The following KNL1 variants were observed in gnomAD, a reference collection of about 807,000 sequenced individuals.
The protein encoded by KNL1 is outer kinetochore KNL1 complex subunit KNL1.
In KNL1, 66 loss-of-function variants were observed where a neutral mutation model predicts 201.3. The ratio of observed to expected loss-of-function variants is 0.33; its 90% CI spans 0.27 to 0.40. The LOEUF (loss-of-function observed/expected upper bound fraction) is 0.40. Among genes scored for constraint, KNL1 ranks in the 10% least tolerant of loss-of-function variants. The pLI is 1.00. For synonymous variants in KNL1, 895 were observed against 899.2 expected, an observed-to-expected ratio of 1.00 and a Z score of 0.08; for missense variants, 2,815 against 2,690.5, an observed-to-expected ratio of 1.05 and a Z score of -1.02.
chr15:40,594,663 C>G (rs552643852), intron 1 of KNL1, among the ~76,000 whole-genome samples: 1 of 152,322 alleles, frequency 6.6e-6, no homozygotes, highest in Admixed American at 6.5e-5. Context: ...GTTGCTTGTC[C>G]GTCGCTCTCT....
At chr15:40,619,157 A>G in intron 9 of KNL1, 146 bp downstream of exon 9, 1 of 635,814 alleles carries the variant, frequency 1.6e-6, no homozygotes, top group Non-Finnish European at 2.8e-6. Context: ...CTTTCCAGTT[A>G]ACTTAAGGAT....
chr15:40,603,056 T>C (rs1891859889), intron 2 of KNL1, 90 bp downstream of exon 2: 4 of 818,408 alleles, frequency 4.9e-6, no homozygotes, highest in Non-Finnish European at 7.8e-6. Flanking sequence ...ACTTCTGAGA[T>C]CTTTTTCCAT....
intron 14 of KNL1, 23 bp downstream of exon 14, chr15:40,641,050 G>A: frequency 6.6e-7 from 1 of 1,508,044 alleles, no homozygotes; most frequent in Non-Finnish European, 9.2e-7. Context: ...TAATTTTTAT[G>A]TGTGTTTTTT....
chr15:40,623,974 C>G lies in KNL1; in HGVS notation c.3710C>G (p.Thr1237Ser). The change falls in exon 10 of 26, where the codon ACT becomes AGT. Residue 1237 changes from threonine (T) to serine (S), a missense_variant. This residue lies in a region of KNL1 where 2,464 missense variants were observed against 2,291.7 expected (regional missense o/e 1.08). Transcript: ENST00000399668. Reference protein sequence around the residue: ...TEQKQQLFAATNRTTNEIIKF... With the variant: ...TEQKQQLFAASNRTTNEIIKF... ...CAAAAGCAACAACTCTTTGCTGCTA[C>G]TAATAGAACTACTAATGAAATCATC... The G allele has an allele frequency of 6.2e-7, 1 of 1,613,666 alleles. No individual in the cohort carries two copies. The highest frequency in any genetic ancestry group is 8.5e-7 in the Non-Finnish European group (1 of 1,179,882).
Position 40,610,785 on chromosome 15 carries a change from CTGT to C in KNL1, c.250+493_250+495del, listed in dbSNP as rs1259624326. On this transcript the variant is annotated intron_variant, in intron 6 of 25. Transcript: ENST00000399668. Reference sequence around the variant, plus strand: ...TTATTTATTTTGAGACGGATTTTCACTGTTGTTCCCCAGGCTGCAGTGCAATGG... The same window carrying C: ...TTATTTATTTTGAGACGGATTTTCACTGTTCCCCAGGCTGCAGTGCAATGG... 2.0e-5 allele frequency: 9 copies of C among 455,492 alleles called. No homozygotes were observed. The highest frequency in any genetic ancestry group is 4.0e-5 in the Non-Finnish European group (9 of 226,788). The allele number at this position is 455,492 out of a possible 1,614,324, so 28.2% of individuals were successfully genotyped here. A position where few individuals can be genotyped will look rare whatever the true frequency, so the allele number is the denominator to read the frequency against.
At chr15:40,658,878 C>T (rs1345351854) in intron 24 of KNL1, among the ~76,000 whole-genome samples, 8 of 149,090 alleles carry the variant, frequency 5.4e-5, no homozygotes, top group Non-Finnish European at 1.0e-4. Flanking sequence ...TGCAGTGAGC[C>T]GAGATTACTC....
intron 2 of KNL1, among the ~76,000 whole-genome samples, chr15:40,603,196 C>G (rs74692119): frequency 6.6e-6 from 1 of 152,242 alleles, no homozygotes; most frequent in Admixed American, 6.5e-5. Context: ...CCCATCAACT[C>G]ATTTACATTA....
At chr15:40,636,273 G>A (rs1456145193) in intron 13 of KNL1, among the ~76,000 whole-genome samples, 2 of 152,190 alleles carry the variant, frequency 1.3e-5, no homozygotes, top group Non-Finnish European at 2.9e-5. Flanking sequence ...AATTCAAGGT[G>A]CAGCAATTAA....
intron 1 of KNL1, among the ~76,000 whole-genome samples, chr15:40,601,627 C>G (rs1446391610): frequency 6.6e-6 from 1 of 151,670 alleles, no homozygotes; most frequent in Non-Finnish European, 1.5e-5. Flanking sequence ...GTCAGGAGAT[C>G]GAGACCACGG....
chr15:40,658,655 G>A (rs979519923), intron 24 of KNL1, among the ~76,000 whole-genome samples: 4 of 150,342 alleles, frequency 2.7e-5, no homozygotes, highest in African/African-American at 7.3e-5. Context: ...GGGCTGGGAC[G>A]GTGGCTCACA....
chr15:40,615,982 G>A (rs1396776499), intron 8 of KNL1: 1 of 5,786 alleles, frequency 1.7e-4, no homozygotes, highest in Admixed American at 3.2e-3. Flanking sequence ...GGTCAGGCTG[G>A]TCTCGAACTG....
intron 11 of KNL1, 30 bp from the exon 12 acceptor site, chr15:40,628,581 G>A: frequency 1.4e-6 from 2 of 1,469,162 alleles, no homozygotes; most frequent in Non-Finnish European, 1.9e-6. Context: ...GTTTTGACTT[G>A]TTCGTCACCA....
At chr15:40,640,709 G>T (rs1419929221) in intron 13 of KNL1, among the ~76,000 whole-genome samples, 1 of 152,188 alleles carries the variant, frequency 6.6e-6, no homozygotes, top group African/African-American at 2.4e-5. Flanking sequence ...CACAGTTCCA[G>T]TAAAATCTAT....
intron 22 of KNL1, among the ~76,000 whole-genome samples, 198 bp downstream of exon 22, chr15:40,655,175 G>A (rs1050958880): frequency 1.3e-5 from 2 of 152,002 alleles, no homozygotes; most frequent in South Asian, 4.1e-4. Flanking sequence ...GTGCCCTCCT[G>A]TAGCCCTAGC....
chr15:40,610,432 TCA>T, intron 6 of KNL1, 135 bp downstream of exon 6: 1 of 613,510 alleles, frequency 1.6e-6, no homozygotes, highest in Non-Finnish European at 2.9e-6. Context: ...GCATAGTGGT[TCA>T]CACCTGTGAT....
intron 7 of KNL1, among the ~76,000 whole-genome samples, chr15:40,612,881 G>C (rs1161302626): frequency 6.6e-6 from 1 of 152,078 alleles, no homozygotes; most frequent in Non-Finnish European, 1.5e-5. Context: ...CGTGCTAGTG[G>C]GAGTATAATT....
At chr15:40,651,380 C>T (rs1481961334) in intron 19 of KNL1, 91 bp from the exon 20 acceptor site, 1 of 672,630 alleles carries the variant, frequency 1.5e-6, no homozygotes, top group Non-Finnish European at 2.4e-6. Flanking sequence ...AGTCATGTAG[C>T]ATGTGACTTC....
intron 17 of KNL1, among the ~76,000 whole-genome samples, chr15:40,648,829 CTTTTT>C (rs35251316): frequency 9.7e-6 from 1 of 103,286 alleles, no homozygotes. Flanking sequence ...ACTTAACTTT[CTTTTT>C]TTTTTTTTTT....
intron 19 of KNL1, 137 bp downstream of exon 19, chr15:40,650,720 T>A (rs1893530944): frequency 1.4e-6 from 1 of 701,330 alleles, no homozygotes; most frequent in Admixed American, 3.8e-5. Context: ...CCACTTTGAA[T>A]GGAAACCTAG....
Sources: gnomAD v4.1 joint callset for allele counts (sites outside exome capture counted in the v4.1 genomes callset) on GRCh38, gnomAD v4.1.1 for gene constraint, gnomAD v4.1.1 regional missense constraint, MANE v1.5 for transcripts, NCBI Gene and HGNC (gene_info 2026-07-23, HGNC 2026-07-21) for gene names.